The following PLEKHG3 variants were observed in gnomAD, a reference collection of about 807,000 sequenced individuals.
PLEKHG3 encodes the protein pleckstrin homology and RhoGEF domain containing G3.
Under a neutral mutation model 94.9 loss-of-function variants are expected in PLEKHG3, and 62 were observed. That is an observed-to-expected ratio of 0.65 (90% CI 0.53 to 0.81). PLEKHG3 has a LOEUF of 0.81. Among genes scored for constraint, PLEKHG3 ranks in the 30% least tolerant of loss-of-function variants. The pLI is 0.00. For synonymous variants in PLEKHG3, 614 were observed against 654.0 expected, an observed-to-expected ratio of 0.94 and a Z score of 0.93; for missense variants, 1,461 against 1,619.3, an observed-to-expected ratio of 0.90 and a Z score of 1.68.
Position 64,732,884 on chromosome 14 carries a change from AG to A in PLEKHG3, c.1332del (p.Arg445AlafsTer23). 1 of 1,606,304 alleles carries A rather than the reference AG, an allele frequency of 6.2e-7. No homozygotes were observed. The highest frequency in any genetic ancestry group is 8.5e-7 in the Non-Finnish European group (1 of 1,176,290). ...SQDEVSTNVRQGRRQSEPTKH... is the reference protein window; with the variant it reads ...SQDEVSTNVRXGRRQSEPTKH... ...GATGAGGTGTCCACCAATGTGCGCC[AG>A]GGGCGCCGGCAATCTGGTAAGAGAA... On this transcript the variant is annotated frameshift_variant, in exon 12 of 17. Coordinates refer to ENST00000247226, the MANE Select transcript of PLEKHG3 (RefSeq NM_001308147.2). LOFTEE classifies it high-confidence loss of function. This position sits in a 1 kb window ranked among gnomAD's most constrained non-coding sequence, Gnocchi z 4.9.
In PLEKHG3 at chr14:64,741,171, C is replaced by T. The variant is rs1191357484; in HGVS notation, c.1654C>T (p.Leu552=). The change falls in exon 16 of 17, where the codon CTG becomes TTG. Residue 552 remains leucine, a synonymous_variant. Transcript: ENST00000247226. ...ACAGCTTGATGCCCACCAGGGCCTT[C>T]TGGGGATGGACCCCCCAGGTGACAT... is the stretch of plus-strand genomic sequence containing the variant. ...ETQLDAHQGL[L]GMDPPGDMVD... 6.2e-7 allele frequency: 1 copy of T among 1,614,020 alleles called. No homozygotes were observed. Among genetic ancestry groups the T allele is most frequent in the African/African-American group, 1.3e-5 (1 of 74,936 alleles).
In PLEKHG3 at chr14:64,743,160, C is replaced by G. The variant is rs1333158337; in HGVS notation, c.3117C>G (p.Leu1039=). Residue 1039 remains leucine (L), a synonymous_variant, in exon 17 of 17, where the codon CTC becomes CTG. Coordinates refer to ENST00000247226, the MANE Select transcript of PLEKHG3 (RefSeq NM_001308147.2). This position sits in a 1 kb window ranked among gnomAD's most constrained non-coding sequence, Gnocchi z 7.2. ...GCCGGCCCTCCGCCCGGAGCCCCCT[C>G]AGCCCCACAGAGACCTTCAGCTGGC... The part of the protein sequence containing the change: ...PGGRPSARSP[L]SPTETFSWPD... 1 of 1,611,154 alleles carries G rather than the reference C, an allele frequency of 6.2e-7. No homozygotes were observed. Among genetic ancestry groups the G allele is most frequent in the Admixed American group, 1.7e-5 (1 of 60,010 alleles).
At position 64,732,592 on chromosome 14, in the gene PLEKHG3, G is replaced by T. The variant is rs550677791; in HGVS notation, c.1246+132G>T. 3.0e-5 allele frequency: 25 copies of T among 834,950 alleles called. 1 individual carries two copies. Among genetic ancestry groups the T allele is most frequent in the South Asian group, 2.6e-4 (18 of 68,228 alleles). The allele number at this position is 834,950 out of a possible 1,614,324, so 51.7% of individuals were successfully genotyped here. ...GGGCGGGGGTCTCCTGTTAAGGGCT[G>T]GGGGGTGAACTACATGATTAAGGAT... On this transcript the variant is annotated intron_variant, in intron 11 of 16. Coordinates refer to ENST00000247226, the MANE Select transcript of PLEKHG3 (RefSeq NM_001308147.2). This position sits in a 1 kb window ranked among gnomAD's most constrained non-coding sequence, Gnocchi z 4.9.
intron 1 of PLEKHG3, among the ~76,000 whole-genome samples, chr14:64,706,399 A>G (rs552958222): frequency 2.0e-5 from 3 of 152,322 alleles, no homozygotes; most frequent in African/African-American, 4.8e-5. Context: ...CTCCAACATG[A>G]TCTGGCCAAT....
In PLEKHG3 at chr14:64,717,815, C is replaced by T. The variant is rs1160086325; in HGVS notation, c.-39-9778C>T. Among the ~76,000 whole-genome samples the T allele has an allele frequency of 6.6e-6, 1 of 152,230 alleles. No homozygotes were observed. Among genetic ancestry groups the T allele is most frequent in the Non-Finnish European group, 1.5e-5 (1 of 68,038 alleles). On this transcript the variant is annotated intron_variant, in intron 1 of 16. Transcript: ENST00000247226. The surrounding 1 kb of genome is among the most constrained non-coding windows in gnomAD (Gnocchi z 4.7). Reference sequence around the variant, plus strand: ...CCCTGGCTCTAGGGACACCTGCAGCCACAGCCCATATCATGGTTTGGACCT... The same window carrying T: ...CCCTGGCTCTAGGGACACCTGCAGCTACAGCCCATATCATGGTTTGGACCT...
In PLEKHG3 at chr14:64,739,203, T is replaced by C. The variant is rs1174033783; in HGVS notation, c.1518+348T>C. ...CTGTCCCTGCCAGCATGCCAGACAT[T>C]GAAATCACACCTGTGGTCACCTGGG... is the stretch of plus-strand genomic sequence containing the variant. On this transcript the variant is annotated intron_variant, in intron 15 of 16. Coordinates refer to ENST00000247226, the MANE Select transcript of PLEKHG3 (RefSeq NM_001308147.2). This position sits in a 1 kb window ranked among gnomAD's most constrained non-coding sequence, Gnocchi z 4.1. Among the ~76,000 whole-genome samples, 2 of 152,204 alleles carry C rather than the reference T, an allele frequency of 1.3e-5. No homozygotes were observed. Among genetic ancestry groups the C allele is most frequent in the Admixed American group, 6.5e-5 (1 of 15,284 alleles).
At chr14:64,708,555 TTAAAG>T (rs899095761) in intron 1 of PLEKHG3, among the ~76,000 whole-genome samples, 3 of 152,000 alleles carry the variant, frequency 2.0e-5, no homozygotes, top group Admixed American at 6.6e-5. Flanking sequence ...GGACCAGAAT[TTAAAG>T]TAACAGAGTG....
Position 64,738,057 on chromosome 14 carries a change from G to A in PLEKHG3, c.1404+682G>A, listed in dbSNP as rs757169696. The A allele has an allele frequency of 1.0e-5, 13 of 1,298,110 alleles. No individual in the cohort carries two copies. Among genetic ancestry groups the A allele is most frequent in the Admixed American group, 6.8e-5 (3 of 44,206 alleles). The allele number at this position is 1,298,110 out of a possible 1,614,324, so 80.4% of individuals were successfully genotyped here. ...GGACCTGACAGGGCATGAAGGCAAC[G>A]AGAAGGGGGCTGGGCCGGAGCCCCC... On this transcript the variant is annotated intron_variant, in intron 14 of 16. Coordinates refer to ENST00000247226, the MANE Select transcript of PLEKHG3 (RefSeq NM_001308147.2). This position sits in a 1 kb window ranked among gnomAD's most constrained non-coding sequence, Gnocchi z 4.8.
intron 1 of PLEKHG3, among the ~76,000 whole-genome samples, chr14:64,712,838 C>T (rs1162413902): frequency 6.6e-6 from 1 of 152,148 alleles, no homozygotes; most frequent in Non-Finnish European, 1.5e-5. Context: ...GGCTGGAACT[C>T]CAGTATCGAA....
In PLEKHG3 at chr14:64,738,879, G is replaced by C; in HGVS notation, c.1518+24G>C. The C allele has an allele frequency of 7.0e-7, 1 of 1,433,892 alleles. No homozygotes were observed. The highest frequency in any genetic ancestry group is 9.6e-7 in the Non-Finnish European group (1 of 1,036,946). 88.8% of individuals were successfully genotyped at this position (1,433,892 alleles called of 1,614,324 possible). On this transcript the variant is annotated intron_variant, in intron 15 of 16. Transcript: ENST00000247226. The surrounding 1 kb of genome is among the most constrained non-coding windows in gnomAD (Gnocchi z 4.8). ...AGGTGAGCGACCAGCAGGTGGGATGGGGATAGTAGGAAGAACTTGGAGTCC... is the reference window on the plus strand; with the variant it reads ...AGGTGAGCGACCAGCAGGTGGGATGCGGATAGTAGGAAGAACTTGGAGTCC...
Position 64,727,943 on chromosome 14 carries a change from A to C in PLEKHG3, c.312A>C (p.Thr104=), listed in dbSNP as rs1365318969. 1 of 1,604,698 alleles carries C rather than the reference A, an allele frequency of 6.2e-7. No homozygotes were observed. Among genetic ancestry groups the C allele is most frequent in the Non-Finnish European group, 8.5e-7 (1 of 1,173,136 alleles). ...GAGTGGTGCGGGAGATCGTGGAGAC[A>C]GAGCGCATGTACGTACAGGACCTGC... is the stretch of plus-strand genomic sequence containing the variant. ...LGRVVREIVE[T]ERMYVQDLRS... The change falls in exon 2 of 17, where the codon ACA becomes ACC. Residue 104 remains threonine (T), a synonymous_variant. Transcript: ENST00000247226. This position sits in a 1 kb window ranked among gnomAD's most constrained non-coding sequence, Gnocchi z 6.0.
chr14:64,740,999 C>A, intron 15 of PLEKHG3, 37 bp from the exon 16 acceptor site: 3 of 1,502,224 alleles, frequency 2.0e-6, no homozygotes, highest in Non-Finnish European at 2.7e-6. Flanking sequence ...ATGAAGGAGG[C>A]TTTTTACTCA....
Position 64,716,504 on chromosome 14 carries a change from C to CA in PLEKHG3, c.-39-11088dup, listed in dbSNP as rs2081162553. ...ACAACACACACACACACAACACACA[C>CA]ACACACACACACACACACACACACA... On this transcript the variant is annotated intron_variant, in intron 1 of 16. Transcript: ENST00000247226. The surrounding 1 kb of genome is among the most constrained non-coding windows in gnomAD (Gnocchi z 5.0). Among the ~76,000 whole-genome samples, 1 of 126,386 alleles carries CA rather than the reference C, an allele frequency of 7.9e-6. No homozygotes were observed. The highest frequency in any genetic ancestry group is 3.3e-5 in the African/African-American group (1 of 30,690). The allele number at this position is 126,386 out of a possible 152,430, so 82.9% of individuals were successfully genotyped here.
At position 64,726,654 on chromosome 14, in the gene PLEKHG3, T is replaced by C. The variant is rs996793485; in HGVS notation, c.-39-939T>C. 1.3e-5 allele frequency among the ~76,000 whole-genome samples: 2 copies of C among 152,190 alleles called. No individual in the cohort carries two copies. Among genetic ancestry groups the C allele is most frequent in the African/African-American group, 4.8e-5 (2 of 41,450 alleles). ...TTTGCCTCACCTGGGTGCAGTTTAC[T>C]GCTTTCTCTGCTGCCCCCGCCCAGC... is the stretch of plus-strand genomic sequence containing the variant. On this transcript the variant is annotated intron_variant, in intron 1 of 16. Coordinates refer to ENST00000247226, the MANE Select transcript of PLEKHG3 (RefSeq NM_001308147.2). The surrounding 1 kb of genome is among the most constrained non-coding windows in gnomAD (Gnocchi z 5.1).
In PLEKHG3 at chr14:64,741,519, G is replaced by A; in HGVS notation, c.2002G>A (p.Glu668Lys). Residue 668 changes from glutamate to lysine, a missense_variant, in exon 16 of 17, where the codon GAA (glutamate) becomes AAA (lysine). Coordinates refer to ENST00000247226, the MANE Select transcript of PLEKHG3 (RefSeq NM_001308147.2). Reference sequence around the variant, plus strand: ...CTCCCTCAGCTGTCAGCTCTCCCCAGAAGTGGACATCAGTGTGGGGGTGGC... The same window carrying A: ...CTCCCTCAGCTGTCAGCTCTCCCCAAAAGTGGACATCAGTGTGGGGGTGGC... ...TDSLSCQLSP[E>K]VDISVGVATE... The A allele has an allele frequency of 6.2e-7, 1 of 1,612,940 alleles. No individual in the cohort carries two copies. The highest frequency in any genetic ancestry group is 8.5e-7 in the Non-Finnish European group (1 of 1,180,010).
At position 64,725,487 on chromosome 14, in the gene PLEKHG3, A is replaced by C. The variant is rs1319641744; in HGVS notation, c.-39-2106A>C. 6.6e-6 allele frequency among the ~76,000 whole-genome samples: 1 copy of C among 152,162 alleles called. No homozygotes were observed. Among genetic ancestry groups the C allele is most frequent in the African/African-American group, 2.4e-5 (1 of 41,424 alleles). On this transcript the variant is annotated intron_variant, in intron 1 of 16. Transcript: ENST00000247226. This position sits in a 1 kb window ranked among gnomAD's most constrained non-coding sequence, Gnocchi z 5.0. The stretch of plus-strand genomic sequence containing the variant: ...GGTGGAGCTTGGGTTTTTATCTGTC[A>C]GTGCTGGAATGACATGGTGTTGCCC...
intron 1 of PLEKHG3, among the ~76,000 whole-genome samples, chr14:64,711,637 C>A (rs2081067839): frequency 6.6e-6 from 1 of 152,178 alleles, no homozygotes; most frequent in African/African-American, 2.4e-5. Context: ...TGGTCTCGAT[C>A]TCCTGACCTT....
In PLEKHG3 at chr14:64,745,851, CG is replaced by C. The variant is rs1299579665; in HGVS notation, c.*2150del. The C allele has an allele frequency of 6.6e-6, 1 of 152,174 alleles. No individual in the cohort carries two copies. Among genetic ancestry groups the C allele is most frequent in the Non-Finnish European group, 1.5e-5 (1 of 68,044 alleles). The allele number at this position is 152,174 out of a possible 1,614,324, so 9.4% of individuals were successfully genotyped here. A position where few individuals can be genotyped will look rare whatever the true frequency, so the allele number is the denominator to read the frequency against. Reference sequence around the variant, plus strand: ...TATGCCTGGGAACCTTGCACCAGGTCGGTGGTTCTCACTGGCTGCCCATTGG... The same window carrying C: ...TATGCCTGGGAACCTTGCACCAGGTCGTGGTTCTCACTGGCTGCCCATTGG... On this transcript the variant is annotated 3_prime_UTR_variant, in exon 17 of 17. Transcript: ENST00000247226. The surrounding 1 kb of genome is among the most constrained non-coding windows in gnomAD (Gnocchi z 5.0).
rs548008047 is a variant in PLEKHG3 at position 64,729,282 on chromosome 14, G to A, written c.449+189G>A. Reference sequence around the variant, plus strand: ...GATCTGCTTTCTCTCAAGGGCAGACGGGGAGGTAATTTGAGGTTGTGTGCA... The same window carrying A: ...GATCTGCTTTCTCTCAAGGGCAGACAGGGAGGTAATTTGAGGTTGTGTGCA... On this transcript the variant is annotated intron_variant, in intron 3 of 16. Transcript: ENST00000247226. Among the ~76,000 whole-genome samples, 7 of 152,276 alleles carry A rather than the reference G, an allele frequency of 4.6e-5. No homozygotes were observed. The South Asian group carries it at 6.2e-4, about 14-fold the overall frequency.
Sources: allele counts gnomAD v4.1 joint callset (sites outside exome capture counted in the v4.1 genomes callset), GRCh38; gene constraint gnomAD v4.1.1; non-coding constraint Gnocchi (gnomAD v3.1); transcripts MANE v1.5; gene names NCBI Gene and HGNC (gene_info 2026-07-23, HGNC 2026-07-21).